RBM34: variants seen among roughly 807,000 people sequenced by gnomAD.
The protein encoded by RBM34 is RNA binding motif protein 34.
A neutral mutation model predicts 44.6 loss-of-function variants in RBM34; 39 were observed. That is an observed-to-expected ratio of 0.87 (90% CI 0.68 to 1.14). The LOEUF is 1.14. Among genes scored for constraint, RBM34 ranks in the 50% most tolerant of loss-of-function variants. RBM34 has a pLI of 0.00. For missense variants in RBM34, 572 were observed against 517.9 expected (o/e 1.10, Z -1.01); for synonymous variants, 194 against 184.0 (o/e 1.05, Z -0.44).
intron 1 of RBM34, 36 bp downstream of exon 1, chr1:235,161,138 A>G (rs1558152753): frequency 1.9e-6 from 3 of 1,601,852 alleles, no homozygotes; most frequent in Non-Finnish European, 2.6e-6. Context: ...AACGTACAAC[A>G]TCCCTCCCCA....
At chr1:235,140,184 G>A (rs573154422) in intron 6 of RBM34, among the ~76,000 whole-genome samples, 50 of 152,366 alleles carry the variant, frequency 3.3e-4, no homozygotes, top group Non-Finnish European at 5.7e-4. Flanking sequence ...CCACTTTGAC[G>A]GCACTTGAGG....
chr1:235,155,816 CATATACATATATATATAT>C lies in RBM34; in HGVS notation c.366-722_366-705del, dbSNP rs1270770982. On this transcript the variant is annotated intron_variant, in intron 3 of 10. Coordinates refer to ENST00000408888, the MANE Select transcript of RBM34 (RefSeq NM_015014.4). ...CACCATGTCCAGTCTTTTATACATA[CATATACATATATATATAT>C]ATATATATATATATATATATATATA... is the stretch of plus-strand genomic sequence containing the variant. Among the ~76,000 whole-genome samples the C allele has an allele frequency of 1.3e-3, 92 of 72,740 alleles. 1 individual carries two copies. The highest frequency in any genetic ancestry group is 5.8e-3 in the African/African-American group (86 of 14,954). 47.7% of individuals were successfully genotyped at this position (72,740 alleles called of 152,430 possible).
intron 6 of RBM34, among the ~76,000 whole-genome samples, chr1:235,145,639 G>A (rs1661870415): frequency 6.6e-6 from 1 of 152,098 alleles, no homozygotes; most frequent in Admixed American, 6.6e-5. Context: ...AACATAAATA[G>A]GTTGCAATCT....
intron 10 of RBM34, among the ~76,000 whole-genome samples, chr1:235,134,675 G>C (rs979720148): frequency 6.6e-6 from 1 of 151,708 alleles, no homozygotes; most frequent in African/African-American, 2.4e-5. Flanking sequence ...AAAGAACTGG[G>C]ACATCTTTTG....
At chr1:235,145,232 TAGAAATA>T (rs2102842629) in intron 6 of RBM34, among the ~76,000 whole-genome samples, 1 of 151,098 alleles carries the variant, frequency 6.6e-6, no homozygotes, top group East Asian at 1.9e-4. Flanking sequence ...AAATTCAAAT[TAGAAATA>T]CCACACTCAG....
At chr1:235,136,101 T>TC in intron 8 of RBM34, 28 bp from the exon 9 acceptor site, 1 of 1,576,290 alleles carries the variant, frequency 6.3e-7, no homozygotes, top group South Asian at 1.1e-5. Context: ...TTAATAAAAA[T>TC]CACTCACTAG....
Position 235,149,747 on chromosome 1 carries a change from A to G in RBM34, c.658-1300T>C, listed in dbSNP as rs531195977. Among the ~76,000 whole-genome samples, 3 of 152,340 alleles carry G rather than the reference A, an allele frequency of 2.0e-5. No individual in the cohort carries two copies. The East Asian group carries it at 5.8e-4, about 29-fold the overall frequency. Reference sequence around the variant, plus strand: ...ATGCAACCAGGTACTGAGAAGATCAAGGTGAAAAGATACCAACCCTGCAAG... The same window carrying G: ...ATGCAACCAGGTACTGAGAAGATCAGGGTGAAAAGATACCAACCCTGCAAG... On this transcript the variant is annotated intron_variant, in intron 5 of 10. Transcript: ENST00000408888.
At chr1:235,152,012 G>C (rs768646001) in intron 5 of RBM34, among the ~76,000 whole-genome samples, 1 of 146,614 alleles carries the variant, frequency 6.8e-6, no homozygotes, top group African/African-American at 2.6e-5. Context: ...CAGCCTGGGT[G>C]AGACACAGCG....
At chr1:235,138,281 T>C (rs1401821483) in intron 6 of RBM34, 107 bp from the exon 7 acceptor site, 4 of 769,684 alleles carry the variant, frequency 5.2e-6, no homozygotes, top group Non-Finnish European at 6.2e-6. Context: ...TTAACACACA[T>C]GACAAGAATT....
At position 235,152,526 on chromosome 1, in the gene RBM34, A is replaced by G. The variant is rs1357955448; in HGVS notation, c.657+180T>C. The G allele has an allele frequency of 2.2e-6, 3 of 1,337,508 alleles. No homozygotes were observed. The African/African-American group carries it at 4.6e-5, about 20-fold the overall frequency. The allele number at this position is 1,337,508 out of a possible 1,614,324, so 82.9% of individuals were successfully genotyped here. ...TTTTATTAAGTAAACTCAATACATT[A>G]TTTAAAAAGTTCAAGAGTCAGCAGT... On this transcript the variant is annotated intron_variant, in intron 5 of 10. Coordinates refer to ENST00000408888, the MANE Select transcript of RBM34 (RefSeq NM_015014.4).
intron 10 of RBM34, 146 bp downstream of exon 10, chr1:235,135,506 G>T: frequency 1.4e-6 from 1 of 722,494 alleles, no homozygotes; most frequent in Non-Finnish European, 2.4e-6. Flanking sequence ...TGGGATTACA[G>T]GCATGAGTCA....
chr1:235,155,230 C>T, intron 3 of RBM34, 118 bp from the exon 4 acceptor site: 1 of 823,844 alleles, frequency 1.2e-6, no homozygotes, highest in South Asian at 1.6e-5. Context: ...TCTGAATTTT[C>T]CTAGATTTAC....
intron 4 of RBM34, among the ~76,000 whole-genome samples, chr1:235,153,867 C>A (rs920246824): frequency 2.6e-5 from 4 of 152,160 alleles, no homozygotes; most frequent in African/African-American, 4.8e-5. Flanking sequence ...CTTCAGTGAT[C>A]GTCACACAAC....
chr1:235,146,488 T>C (rs548575409), intron 6 of RBM34, among the ~76,000 whole-genome samples: 10 of 152,302 alleles, frequency 6.6e-5, no homozygotes, highest in African/African-American at 2.2e-4. Context: ...AACTGTTTTA[T>C]GTGGGAAGAA....
At position 235,160,983 on chromosome 1, in the gene RBM34, T is replaced by C. The variant is rs2295815; in HGVS notation, c.138A>G (p.Glu46=). ...GACCGGTGCCACCTCTGGAATGGTGTTCGCCGCGAAATAAGCTACTGGCGA... is the reference window on the plus strand; with the variant it reads ...GACCGGTGCCACCTCTGGAATGGTGCTCGCCGCGAAATAAGCTACTGGCGA... The part of the protein sequence containing the change: ...GQVASSLFRG[E]HHSRGGTGRL... The change falls in exon 2 of 11, where the codon GAA becomes GAG. Residue 46 remains glutamate (E), a synonymous_variant. Coordinates refer to ENST00000408888, the MANE Select transcript of RBM34 (RefSeq NM_015014.4). 0.13 allele frequency: 215,744 copies of C among 1,613,872 alleles called. 17,686 individuals are homozygous for C. The highest frequency in any genetic ancestry group is 0.39 in the African/African-American group (29,115 of 74,876).
Position 235,141,255 on chromosome 1 carries a change from A to G in RBM34, c.702-3081T>C, listed in dbSNP as rs536098851. Among the ~76,000 whole-genome samples, 349 of 149,664 alleles carry G rather than the reference A, an allele frequency of 2.3e-3. 1 individual carries two copies. Among genetic ancestry groups the G allele is most frequent in the African/African-American group, 8.5e-3 (341 of 40,336 alleles). On this transcript the variant is annotated intron_variant, in intron 6 of 10. Transcript: ENST00000408888. ...TAGCTCAGGGGTTGTAAATACACCA[A>G]TCGGCACTCTGTATCTAGCTCAAGG...
intron 3 of RBM34, among the ~76,000 whole-genome samples, chr1:235,155,482 C>T (rs1239842952): frequency 6.7e-6 from 1 of 149,436 alleles, no homozygotes; most frequent in Non-Finnish European, 1.5e-5. Context: ...ACTGGGACCA[C>T]AGGCGCATGC....
In RBM34 at chr1:235,131,703, T is replaced by C. The variant is rs1661202814; in HGVS notation, c.*10A>G. On this transcript the variant is annotated 3_prime_UTR_variant, in exon 11 of 11. Coordinates refer to ENST00000408888, the MANE Select transcript of RBM34 (RefSeq NM_015014.4). Reference sequence around the variant, plus strand: ...TACTCAGCAGGAAAAGAAAAAGCAGTTCCTGGTTGTTATTTCTGTTTTCTC... The same window carrying C: ...TACTCAGCAGGAAAAGAAAAAGCAGCTCCTGGTTGTTATTTCTGTTTTCTC... The C allele has an allele frequency of 1.3e-6, 2 of 1,579,330 alleles. No individual in the cohort carries two copies. The highest frequency in any genetic ancestry group is 2.0e-5 in the Admixed American group (1 of 50,908).
chr1:235,148,457 GAA>G lies in RBM34; in HGVS notation c.658-12_658-11del. On this transcript the variant is annotated splice_polypyrimidine_tract_variant and intron_variant, in intron 5 of 10. Transcript: ENST00000408888. ...TTCCCTCTGCTGGAATCTTTCAAGA[GAA>G]AAAAAAAAGTATTAAAGACAGTATT... 9 of 1,437,808 alleles carry G rather than the reference GAA, an allele frequency of 6.3e-6. No homozygotes were observed. The highest frequency in any genetic ancestry group is 2.2e-5 in the Admixed American group (1 of 45,432). The allele number at this position is 1,437,808 out of a possible 1,614,324, so 89.1% of individuals were successfully genotyped here. A position where few individuals can be genotyped will look rare whatever the true frequency, so the allele number is the denominator to read the frequency against.
Sources: gnomAD v4.1 joint callset for allele counts (sites outside exome capture counted in the v4.1 genomes callset) on GRCh38, gnomAD v4.1.1 for gene constraint, MANE v1.5 for transcripts, NCBI Gene and HGNC (gene_info 2026-07-23, HGNC 2026-07-21) for gene names.